ITCH: variants seen among roughly 807,000 people sequenced by gnomAD.
ITCH encodes itchy E3 ubiquitin protein ligase.
Under a neutral mutation model 126.8 loss-of-function variants are expected in ITCH, and 28 were observed. The observed-to-expected ratio is 0.22, with a 90% CI of 0.16 to 0.30. ITCH has a LOEUF of 0.30. Among genes scored for constraint, ITCH ranks in the 10% least tolerant of loss-of-function variants. The pLI is 1.00. For synonymous variants in ITCH, 342 were observed against 340.0 expected, an observed-to-expected ratio of 1.01 and a Z score of -0.06; for missense variants, 631 against 1,032.4, an observed-to-expected ratio of 0.61 and a Z score of 5.33.
rs77376418 is a variant in ITCH at position 34,399,020 on chromosome 20, C to T, written c.70+5139C>T. ...CGTGGGTTTTAATCTCTTAATGGGTCAGTTATAGTATTTGTTTTATTGTAA... is the reference window on the plus strand; with the variant it reads ...CGTGGGTTTTAATCTCTTAATGGGTTAGTTATAGTATTTGTTTTATTGTAA... On this transcript the variant is annotated intron_variant, in intron 3 of 24. Transcript: ENST00000374864. Among the ~76,000 whole-genome samples, 402 of 152,194 alleles carry T rather than the reference C, an allele frequency of 2.6e-3. 22 individuals are homozygous for T. The East Asian group carries it at 0.074, about 28-fold the overall frequency.
chr20:34,444,630 TTG>T (rs1188743633), intron 10 of ITCH, among the ~76,000 whole-genome samples: 16 of 151,726 alleles, frequency 1.1e-4, no homozygotes, highest in Admixed American at 8.5e-4. Context: ...TTGCGAAAAA[TTG>T]TGTGTGTGTG....
At chr20:34,396,852 C>T (rs2038695895) in intron 3 of ITCH, among the ~76,000 whole-genome samples, 1 of 152,084 alleles carries the variant, frequency 6.6e-6, no homozygotes, top group Non-Finnish European at 1.5e-5. Context: ...ATTTCTTCCT[C>T]TAATCATTTC....
intron 6 of ITCH, chr20:34,417,123 T>C: frequency 1.5e-6 from 1 of 674,822 alleles, no homozygotes; most frequent in Non-Finnish European, 2.7e-6. Flanking sequence ...TTAGATGGGG[T>C]TTCGCTCTGT....
intron 6 of ITCH, among the ~76,000 whole-genome samples, chr20:34,421,596 T>C (rs1382968953): frequency 1.4e-5 from 2 of 143,118 alleles, no homozygotes; most frequent in African/African-American, 4.9e-5. Context: ...GTTAGATTTT[T>C]GTTGTTGTTG....
intron 14 of ITCH, 64 bp downstream of exon 14, chr20:34,462,285 A>G (rs1986609967): frequency 6.6e-7 from 1 of 1,518,390 alleles, no homozygotes; most frequent in Non-Finnish European, 9.1e-7. Flanking sequence ...TGATATAAAG[A>G]TTTGTATTAG....
chr20:34,502,057 T>A (rs1044910825), intron 23 of ITCH, among the ~76,000 whole-genome samples: 2 of 152,156 alleles, frequency 1.3e-5, no homozygotes, highest in Non-Finnish European at 2.9e-5. Flanking sequence ...ATTTGAAAGG[T>A]GGCTGAAAAT....
intron 20 of ITCH, among the ~76,000 whole-genome samples, chr20:34,487,737 G>A (rs1159182251): frequency 3.3e-5 from 5 of 152,036 alleles, no homozygotes; most frequent in Non-Finnish European, 5.9e-5. Flanking sequence ...TCAGGAGTTC[G>A]AGACCAGCCT....
intron 3 of ITCH, among the ~76,000 whole-genome samples, chr20:34,400,646 C>CT (rs760416482): frequency 0.035 from 4,245 of 119,916 alleles, 178 homozygotes; most frequent in East Asian, 0.073. Context: ...AAAAATTTTT[C>CT]TTTTTTTTTT....
intron 19 of ITCH, 35 bp from the exon 20 acceptor site, chr20:34,481,031 G>A (rs1988696445): frequency 6.2e-7 from 1 of 1,604,894 alleles, no homozygotes; most frequent in Admixed American, 1.7e-5. Flanking sequence ...TTGAATTGGT[G>A]GATATAACAA....
At chr20:34,376,337 C>T (rs761187819) in intron 2 of ITCH, among the ~76,000 whole-genome samples, 2 of 151,838 alleles carry the variant, frequency 1.3e-5, no homozygotes, top group African/African-American at 4.8e-5. Flanking sequence ...GTGCAAGGGT[C>T]GCTTAAGCCC....
At chr20:34,454,993 C>A (rs1357275224) in intron 12 of ITCH, among the ~76,000 whole-genome samples, 1 of 151,830 alleles carries the variant, frequency 6.6e-6, no homozygotes, top group African/African-American at 2.4e-5. Flanking sequence ...CCATGCCCAG[C>A]TAATTTTTGT....
rs1354987668 is a variant in ITCH, at chr20:34,377,131, T to C, written c.-22+7661T>C. ...GCTCACACCTGTAATCCCAGCACTT[T>C]GCGAGGCTGAGGTGGGCGGATCACT... On this transcript the variant is annotated intron_variant, in intron 2 of 24. Transcript: ENST00000374864. Among the ~76,000 whole-genome samples the C allele has an allele frequency of 3.9e-5, 6 of 152,162 alleles. No homozygotes were observed. In the East Asian group the frequency reaches 9.6e-4, roughly 24 times the overall value.
chr20:34,459,226 A>C (rs528721476), intron 13 of ITCH, among the ~76,000 whole-genome samples: 1 of 152,338 alleles, frequency 6.6e-6, no homozygotes, highest in South Asian at 2.1e-4. Context: ...TAAAATCAGC[A>C]GAAGGAATAG....
intron 6 of ITCH, among the ~76,000 whole-genome samples, chr20:34,419,479 T>C (rs1980442287): frequency 6.6e-6 from 1 of 151,968 alleles, no homozygotes; most frequent in Non-Finnish European, 1.5e-5. Context: ...AAAATATCAG[T>C]GTTGCCTTTT....
chr20:34,415,563 A>T (rs1360371803), intron 6 of ITCH, among the ~76,000 whole-genome samples: 2 of 152,028 alleles, frequency 1.3e-5, no homozygotes, highest in African/African-American at 4.8e-5. Flanking sequence ...CTCTCAAAAA[A>T]AATAAAGTAG....
chr20:34,424,455 TTC>T (rs775879144), intron 6 of ITCH, 23 bp from the exon 7 acceptor site: 1 of 1,600,430 alleles, frequency 6.2e-7, no homozygotes, highest in South Asian at 1.1e-5. Context: ...GAAACTCATT[TTC>T]TGTTTAAACT....
chr20:34,510,382 C>T lies in ITCH; in HGVS notation c.*2588C>T, dbSNP rs532216505. 6.7e-6 allele frequency: 1 copy of T among 149,266 alleles called. No individual in the cohort carries two copies. Among genetic ancestry groups the T allele is most frequent in the South Asian group, 2.1e-4 (1 of 4,746 alleles). The allele number at this position is 149,266 out of a possible 1,614,324, so 9.2% of individuals were successfully genotyped here. A position where few individuals can be genotyped will look rare whatever the true frequency, so the allele number is the denominator to read the frequency against. On this transcript the variant is annotated 3_prime_UTR_variant, in exon 25 of 25. Coordinates refer to ENST00000374864, the MANE Select transcript of ITCH (RefSeq NM_031483.7). ...CTTAGAGCTTTTTCTTAAATCTGAA[C>T]TAACTTGCTTTTAGAAGTCTTTTTC...
At chr20:34,367,280 C>A (rs535091135) in intron 1 of ITCH, among the ~76,000 whole-genome samples, 4 of 152,202 alleles carry the variant, frequency 2.6e-5, no homozygotes, top group South Asian at 2.1e-4. Flanking sequence ...CGGGTTCAAG[C>A]GATTCGTGTG....
intron 10 of ITCH, among the ~76,000 whole-genome samples, chr20:34,443,401 C>T (rs886568366): frequency 1.1e-4 from 16 of 150,882 alleles, no homozygotes; most frequent in African/African-American, 3.9e-4. Context: ...CCAGCTACTC[C>T]GGAGGCTGAG....
Sources: allele counts gnomAD v4.1 joint callset (sites outside exome capture counted in the v4.1 genomes callset), GRCh38; gene constraint gnomAD v4.1.1; transcripts MANE v1.5; gene names NCBI Gene and HGNC (gene_info 2026-07-23, HGNC 2026-07-21).